Variants in ASIC2 observed in about 807,000 individuals in gnomAD.
The protein encoded by ASIC2 is acid-sensing ion channel 2.
Under a neutral mutation model 57.3 loss-of-function variants are expected in ASIC2, and 25 were observed. The ratio of observed to expected loss-of-function variants is 0.44; its 90% CI spans 0.32 to 0.61. The LOEUF (loss-of-function observed/expected upper bound fraction) is 0.61. ASIC2 is among the 20% of genes least tolerant of loss of function. The probability of loss-of-function intolerance (pLI) is 0.06; values close to 1 mark genes in which losing one functional copy is unlikely to be tolerated. For synonymous variants in ASIC2, 319 were observed against 307.5 expected (o/e 1.04, Z -0.39); for missense variants, 641 against 738.1 (o/e 0.87, Z 1.52).
chr17:33,210,728 C>G (rs946406956), intron 1 of ASIC2, among the ~76,000 whole-genome samples: 1 of 152,204 alleles, frequency 6.6e-6, no homozygotes, highest in East Asian at 1.9e-4. Flanking sequence ...AAAGCCTCAC[C>G]CTTCATAACA....
At chr17:33,089,455 T>C (rs1419628273) in intron 2 of ASIC2, among the ~76,000 whole-genome samples, 1 of 152,218 alleles carries the variant, frequency 6.6e-6, no homozygotes, top group Non-Finnish European at 1.5e-5. Flanking sequence ...CTTGATTTTA[T>C]TGAGCCTAGG....
At chr17:33,424,854 G>C (rs963700141) in intron 1 of ASIC2, among the ~76,000 whole-genome samples, 2 of 152,108 alleles carry the variant, frequency 1.3e-5, no homozygotes, top group African/African-American at 2.4e-5. Flanking sequence ...GGCGGGCCAG[G>C]ATCTCAGTCC....
chr17:34,026,057 A>G (rs557338745), intron 1 of ASIC2, among the ~76,000 whole-genome samples: 5 of 152,178 alleles, frequency 3.3e-5, no homozygotes, highest in Non-Finnish European at 5.9e-5. Flanking sequence ...CGCAAAGGTT[A>G]ACTTTTAAGG....
intron 1 of ASIC2, among the ~76,000 whole-genome samples, chr17:33,426,649 A>C (rs1911230215): frequency 6.6e-6 from 1 of 152,150 alleles, no homozygotes; most frequent in African/African-American, 2.4e-5. Flanking sequence ...CACATCTCTA[A>C]ATTCTTCTGG....
intron 1 of ASIC2, among the ~76,000 whole-genome samples, chr17:34,036,394 GA>G (rs1907880059): frequency 1.9e-5 from 2 of 106,196 alleles, no homozygotes; most frequent in South Asian, 7.2e-4. Flanking sequence ...AGGGGGGAGG[GA>G]TAGCATTAGG....
intron 1 of ASIC2, among the ~76,000 whole-genome samples, chr17:33,142,692 T>C (rs1904368625): frequency 6.6e-6 from 1 of 152,246 alleles, no homozygotes; most frequent in Non-Finnish European, 1.5e-5. Flanking sequence ...CTCAGTTCCA[T>C]GACCACACCC....
intron 1 of ASIC2, among the ~76,000 whole-genome samples, chr17:33,371,467 A>T (rs1265452090): frequency 6.6e-6 from 1 of 152,208 alleles, no homozygotes; most frequent in Non-Finnish European, 1.5e-5. Context: ...ACAACAAAAA[A>T]TAATTGAGCT....
intron 1 of ASIC2, among the ~76,000 whole-genome samples, chr17:33,890,560 C>A (rs925638731): frequency 6.6e-6 from 1 of 152,200 alleles, no homozygotes; most frequent in African/African-American, 2.4e-5. Context: ...ACTTGTCCAC[C>A]TTCACCAGCC....
At chr17:33,646,942 G>A (rs540161305) in intron 1 of ASIC2, among the ~76,000 whole-genome samples, 84 of 152,238 alleles carry the variant, frequency 5.5e-4, no homozygotes, top group African/African-American at 2.0e-3. Flanking sequence ...CGGTGGAGGA[G>A]TCTGAGAAGG....
chr17:33,692,109 C>T (rs1364823121), intron 1 of ASIC2: 2 of 152,130 alleles, frequency 1.3e-5, no homozygotes, highest in African/African-American at 4.8e-5. Context: ...GTATTCTATA[C>T]ACCATATTCT....
chr17:33,793,691 G>A (rs1162641220), intron 1 of ASIC2: 1 of 152,206 alleles, frequency 6.6e-6, no homozygotes, highest in African/African-American at 2.4e-5. Flanking sequence ...CTTCTACCAT[G>A]TGCCTGTTTC....
intron 1 of ASIC2, among the ~76,000 whole-genome samples, chr17:34,122,552 T>C (rs1911656968): frequency 6.6e-6 from 1 of 152,218 alleles, no homozygotes; most frequent in African/African-American, 2.4e-5. Flanking sequence ...CAGCTACATG[T>C]GTCTGTGTCA....
At chr17:33,827,421 T>G (rs1330637073) in intron 1 of ASIC2, among the ~76,000 whole-genome samples, 1 of 146,074 alleles carries the variant, frequency 6.8e-6, no homozygotes, top group Non-Finnish European at 1.5e-5. Context: ...AAGCTCTGCC[T>G]CCCAGGTTCA....
chr17:33,577,817 C>T (rs1212778161), intron 1 of ASIC2, among the ~76,000 whole-genome samples: 2 of 152,300 alleles, frequency 1.3e-5, no homozygotes, highest in Non-Finnish European at 1.5e-5. Flanking sequence ...CACCACCATC[C>T]GTGAAACTCC....
chr17:33,339,335 C>T (rs536736998), intron 1 of ASIC2, among the ~76,000 whole-genome samples: 1 of 152,124 alleles, frequency 6.6e-6, no homozygotes, highest in Non-Finnish European at 1.5e-5. Context: ...ATATTTTTGG[C>T]TTTGTGATCC....
intron 1 of ASIC2, among the ~76,000 whole-genome samples, chr17:33,873,773 G>T (rs182792682): frequency 1.3e-3 from 202 of 152,290 alleles, no homozygotes; most frequent in African/African-American, 4.7e-3. Context: ...AGGTACTAGT[G>T]ATACCTCCAG....
chr17:33,243,690 A>G (rs919266638), intron 1 of ASIC2, among the ~76,000 whole-genome samples: 3 of 152,232 alleles, frequency 2.0e-5, no homozygotes, highest in Non-Finnish European at 4.4e-5. Flanking sequence ...CGTGAATATA[A>G]AAACAGGACC....
chr17:33,220,488 C>T (rs944517644), intron 1 of ASIC2, among the ~76,000 whole-genome samples: 9 of 152,142 alleles, frequency 5.9e-5, no homozygotes, highest in Non-Finnish European at 1.0e-4. Context: ...ACAGGAGACT[C>T]GAGGCTTTGG....
chr17:33,239,299 A>G (rs920937960), intron 1 of ASIC2, among the ~76,000 whole-genome samples: 2 of 152,180 alleles, frequency 1.3e-5, no homozygotes, highest in Admixed American at 6.5e-5. Context: ...TCAAAAAAAA[A>G]AAGTCTTTGC....
Sources: allele counts gnomAD v4.1 joint callset (sites outside exome capture counted in the v4.1 genomes callset), GRCh38; gene constraint gnomAD v4.1.1; transcripts MANE v1.5; gene names NCBI Gene and HGNC (gene_info 2026-07-23, HGNC 2026-07-21).